Variants in CDK5RAP2 observed in about 807,000 individuals in gnomAD.
CDK5RAP2 encodes CDK5 regulatory subunit associated protein 2, also known as CDK5 regulatory subunit-associated protein 2.
CDK5RAP2 carries 147 observed loss-of-function variants against 232.9 expected under a neutral mutation model. The ratio of observed to expected loss-of-function variants is 0.63; its 90% CI spans 0.55 to 0.72. The LOEUF is 0.72. Among genes scored for constraint, CDK5RAP2 ranks in the 30% least tolerant of loss-of-function variants. CDK5RAP2 has a pLI of 0.00. For missense variants in CDK5RAP2, 2,195 were observed against 2,231.5 expected, an observed-to-expected ratio of 0.98 and a Z score of 0.33; for synonymous variants, 833 against 833.7, an observed-to-expected ratio of 1.00 and a Z score of 0.01.
chr9:120,398,877 T>C (rs558799257), intron 35 of CDK5RAP2, among the ~76,000 whole-genome samples: 1 of 152,186 alleles, frequency 6.6e-6, no homozygotes, highest in Non-Finnish European at 1.5e-5. Flanking sequence ...GAAAACCAGA[T>C]AGTTCAAAAA....
At chr9:120,509,977 AT>A (rs1034650821) in intron 12 of CDK5RAP2, among the ~76,000 whole-genome samples, 19 of 151,178 alleles carry the variant, frequency 1.3e-4, no homozygotes, top group African/African-American at 3.4e-4. Flanking sequence ...ATATATATAC[AT>A]TTTTTTTTAG....
At position 120,411,472 on chromosome 9, in the gene CDK5RAP2, A is replaced by T; in HGVS notation, c.4300T>A (p.Ser1434Thr). ...GAACCAGAAGCAAAAATGCTTGTAG[A>T]ACCTATAAAAACACACATAAAAACT... ...ERQGSEFVQG[S>T]TSIFASGSEL... The change falls in exon 29 of 38, where the codon TCT (serine) becomes ACT (threonine). Residue 1434 changes from serine to threonine, a missense_variant and splice_region_variant. Coordinates refer to ENST00000349780, the MANE Select transcript of CDK5RAP2 (RefSeq NM_018249.6). The T allele has an allele frequency of 6.6e-7, 1 of 1,525,110 alleles. No individual in the cohort carries two copies. The highest frequency in any genetic ancestry group is 1.4e-5 in the African/African-American group (1 of 73,274). The allele number at this position is 1,525,110 out of a possible 1,614,324, so 94.5% of individuals were successfully genotyped here.
At chr9:120,434,898 G>C (rs2131460993) in intron 25 of CDK5RAP2, among the ~76,000 whole-genome samples, 1 of 152,282 alleles carries the variant, frequency 6.6e-6, no homozygotes, top group Non-Finnish European at 1.5e-5. Flanking sequence ...GGGTTTAAGA[G>C]AGAAAGGGGA....
chr9:120,404,947 T>G (rs2033332602), intron 32 of CDK5RAP2, among the ~76,000 whole-genome samples: 1 of 152,226 alleles, frequency 6.6e-6, no homozygotes, highest in South Asian at 2.1e-4. Flanking sequence ...AATTCAGATT[T>G]CATGGAAGGG....
In CDK5RAP2 at chr9:120,539,080, C is replaced by T. The variant is rs1395094367; in HGVS notation, c.468G>A (p.Val156=). Residue 156 remains valine, a synonymous_variant, in exon 6 of 38, where the codon GTG becomes GTA. Coordinates refer to ENST00000349780, the MANE Select transcript of CDK5RAP2 (RefSeq NM_018249.6). ...GTATTCTTTTAGTTAGGAGATCTTC[C>T]ACCTGCTGCACCTTCTTTCGAGCAT... ...KEDARKKVQQ[V]EDLLTKRILL... is the part of the protein sequence containing the mutation. 1.9e-6 allele frequency: 3 copies of T among 1,613,880 alleles called. No homozygotes were observed. Among genetic ancestry groups the T allele is most frequent in the African/African-American group, 2.7e-5 (2 of 74,922 alleles).
intron 22 of CDK5RAP2, among the ~76,000 whole-genome samples, chr9:120,445,157 A>C (rs569366390): frequency 6.6e-6 from 1 of 152,210 alleles, no homozygotes; most frequent in Non-Finnish European, 1.5e-5. Flanking sequence ...CCCCAAGGAC[A>C]CTGCTTCTCC....
At chr9:120,540,467 G>T (rs2041584849) in intron 5 of CDK5RAP2, among the ~76,000 whole-genome samples, 1 of 152,182 alleles carries the variant, frequency 6.6e-6, no homozygotes, top group Admixed American at 6.5e-5. Context: ...AGTCAAGAGG[G>T]CCATACTTGT....
In CDK5RAP2 at chr9:120,470,096, T is replaced by G. The variant is rs777112201; in HGVS notation, c.1968+15A>C. 1.7e-5 allele frequency: 22 copies of G among 1,272,142 alleles called. No homozygotes were observed. Among genetic ancestry groups the G allele is most frequent in the Non-Finnish European group, 2.5e-5 (22 of 878,460 alleles). The allele number at this position is 1,272,142 out of a possible 1,614,324, so 78.8% of individuals were successfully genotyped here. A position where few individuals can be genotyped will look rare whatever the true frequency, so the allele number is the denominator to read the frequency against. On this transcript the variant is annotated intron_variant, in intron 17 of 37. Coordinates refer to ENST00000349780, the MANE Select transcript of CDK5RAP2 (RefSeq NM_018249.6). Reference sequence around the variant, plus strand: ...AAAAAGAAAAGAAAAGCACTAAAAATTAATAGGTCAATACCTTTTTCTTAA... The same window carrying G: ...AAAAAGAAAAGAAAAGCACTAAAAAGTAATAGGTCAATACCTTTTTCTTAA...
At chr9:120,566,925 T>G (rs1191915586) in intron 3 of CDK5RAP2, among the ~76,000 whole-genome samples, 1 of 152,234 alleles carries the variant, frequency 6.6e-6, no homozygotes, top group Non-Finnish European at 1.5e-5. Context: ...AATTCTAATA[T>G]TCTGTGAAAT....
At chr9:120,493,050 C>A (rs2038985073) in intron 12 of CDK5RAP2, among the ~76,000 whole-genome samples, 1 of 152,168 alleles carries the variant, frequency 6.6e-6, no homozygotes, top group African/African-American at 2.4e-5. Flanking sequence ...AGTATAGTCC[C>A]TAGAACAGCA....
chr9:120,518,286 A>G (rs1369972198), intron 12 of CDK5RAP2, 141 bp downstream of exon 12: 2 of 696,074 alleles, frequency 2.9e-6, no homozygotes, highest in Non-Finnish European at 5.0e-6. Flanking sequence ...GATCAAATGA[A>G]GCTGGTCATT....
chr9:120,496,510 T>TA (rs2039253491), intron 12 of CDK5RAP2, among the ~76,000 whole-genome samples: 3 of 79,272 alleles, frequency 3.8e-5, no homozygotes, highest in Non-Finnish European at 7.4e-5. Flanking sequence ...GGGAGGGAGG[T>TA]GGGGGGGTCG....
chr9:120,444,559 TAGA>T (rs2036080311), intron 22 of CDK5RAP2, among the ~76,000 whole-genome samples: 1 of 152,242 alleles, frequency 6.6e-6, no homozygotes, highest in Non-Finnish European at 1.5e-5. Context: ...TTGAATGGAT[TAGA>T]AGAAGGTAGA....
At chr9:120,391,687 T>C (rs1306427969) in intron 36 of CDK5RAP2, among the ~76,000 whole-genome samples, 1 of 152,200 alleles carries the variant, frequency 6.6e-6, no homozygotes, top group Non-Finnish European at 1.5e-5. Flanking sequence ...TTTCCTTACT[T>C]TCCCCTGTAG....
intron 4 of CDK5RAP2, among the ~76,000 whole-genome samples, chr9:120,549,635 C>T (rs2041978232): frequency 6.6e-6 from 1 of 152,180 alleles, no homozygotes; most frequent in African/African-American, 2.4e-5. Flanking sequence ...ATGAGAATTA[C>T]AATAAGATGC....
At position 120,568,398 on chromosome 9, in the gene CDK5RAP2, G is replaced by C. The variant is rs369751106; in HGVS notation, c.128-10C>G. 39 of 1,606,410 alleles carry C rather than the reference G, an allele frequency of 2.4e-5. No homozygotes were observed. The highest frequency in any genetic ancestry group is 3.2e-5 in the Non-Finnish European group (37 of 1,173,064). On this transcript the variant is annotated splice_polypyrimidine_tract_variant and intron_variant, in intron 2 of 37. Transcript: ENST00000349780. ...GACACATTTGGGAGCACTGTAAAAA[G>C]GTAAAATAGAGGAAAACGTCACAGC...
At chr9:120,523,018 A>T (rs2040740201) in intron 11 of CDK5RAP2, among the ~76,000 whole-genome samples, 1 of 152,098 alleles carries the variant, frequency 6.6e-6, no homozygotes, top group Non-Finnish European at 1.5e-5. Flanking sequence ...TCCTGCAAAA[A>T]CTCGCTGGTT....
intron 36 of CDK5RAP2, chr9:120,390,227 G>C (rs1336571577): frequency 5.6e-6 from 1 of 179,154 alleles, no homozygotes; most frequent in African/African-American, 2.3e-5. Flanking sequence ...GGAAGGGACT[G>C]TGCCCCGATC....
At chr9:120,413,264 G>A (rs2033962259) in intron 28 of CDK5RAP2, among the ~76,000 whole-genome samples, 1 of 152,210 alleles carries the variant, frequency 6.6e-6, no homozygotes, top group Non-Finnish European at 1.5e-5. Context: ...ATGCTAGGAG[G>A]CCATTCTTTC....
Sources: allele counts gnomAD v4.1 joint callset (sites outside exome capture counted in the v4.1 genomes callset), GRCh38; gene constraint gnomAD v4.1.1; transcripts MANE v1.5; gene names NCBI Gene and HGNC (gene_info 2026-07-23, HGNC 2026-07-21).